MACF1: variants seen among roughly 807,000 people sequenced by gnomAD.
MACF1 encodes microtubule-actin cross-linking factor 1.
A neutral mutation model predicts 854.8 loss-of-function variants in MACF1; 193 were observed. The observed-to-expected ratio is 0.23, with a 90% CI of 0.20 to 0.25. The LOEUF (loss-of-function observed/expected upper bound fraction) is 0.25, where lower values mean the gene tolerates loss of function less well. MACF1 is among the 10% of genes least tolerant of loss of function. The pLI, the probability that MACF1 is intolerant of heterozygous loss-of-function variation, is 1.00. For missense variants in MACF1, 7,722 were observed against 8,929.1 expected (o/e 0.86, Z 5.45); for synonymous variants, 3,185 against 3,226.7 (o/e 0.99, Z 0.44).
intron 2 of MACF1, among the ~76,000 whole-genome samples, chr1:39,165,934 A>G (rs1643877421): frequency 6.6e-6 from 1 of 152,090 alleles, no homozygotes; most frequent in South Asian, 2.1e-4. Context: ...TTCCTGTTGC[A>G]TTTACTGGAA....
intron 93 of MACF1, among the ~76,000 whole-genome samples, chr1:39,462,502 C>T (rs1387886011): frequency 6.6e-6 from 1 of 150,722 alleles, no homozygotes; most frequent in African/African-American, 2.4e-5. Flanking sequence ...CCCAGGAGTT[C>T]GAGACCAGCC....
At chr1:39,303,170 G>C in intron 23 of MACF1, 92 bp downstream of exon 23, 1 of 1,429,746 alleles carries the variant, frequency 7.0e-7, no homozygotes. Context: ...TGATGTTTTT[G>C]AACACAGTGG....
At chr1:39,255,283 T>C (rs1274216941) in intron 5 of MACF1, among the ~76,000 whole-genome samples, 1 of 152,130 alleles carries the variant, frequency 6.6e-6, no homozygotes, top group African/African-American at 2.4e-5. Flanking sequence ...GGTGTGGCCA[T>C]CTTTGAAAAA....
At chr1:39,395,804 A>C (rs1160800074) in intron 58 of MACF1, among the ~76,000 whole-genome samples, 1 of 151,538 alleles carries the variant, frequency 6.6e-6, no homozygotes, top group African/African-American at 2.4e-5. Context: ...AGGAGCCTTT[A>C]AGGCCTTTAA....
intron 6 of MACF1, among the ~76,000 whole-genome samples, chr1:39,277,192 GA>G (rs140015007): frequency 0.032 from 4,862 of 150,638 alleles, 124 homozygotes; most frequent in Middle Eastern, 0.083. Flanking sequence ...TATGTAACTG[GA>G]CTCTTGTGGT....
chr1:39,465,119 T>C lies in MACF1; in HGVS notation c.21771+7T>C, dbSNP rs565692116. The C allele has an allele frequency of 2.5e-6, 4 of 1,612,910 alleles. No individual in the cohort carries two copies. In the African/African-American group the frequency reaches 4.0e-5, roughly 16 times the overall value. On this transcript the variant is annotated splice_region_variant and intron_variant, in intron 95 of 100. Coordinates refer to ENST00000564288, the MANE Select transcript of MACF1 (RefSeq NM_001394062.1). ...GTTCTTCCTCGGCAATCAGGTACAG[T>C]GTGCCTTGCAATGTTCTCCTTCTCA...
intron 56 of MACF1, among the ~76,000 whole-genome samples, chr1:39,384,639 C>A (rs1650528603): frequency 6.6e-6 from 1 of 152,176 alleles, no homozygotes; most frequent in African/African-American, 2.4e-5. Flanking sequence ...TAAAGAAGCT[C>A]TTTGTCTAAT....
At chr1:39,276,979 A>G (rs1281973415) in intron 6 of MACF1, among the ~76,000 whole-genome samples, 3 of 152,170 alleles carry the variant, frequency 2.0e-5, no homozygotes, top group African/African-American at 7.2e-5. Context: ...AAGAGGAATG[A>G]AAAATCTAAG....
At chr1:39,302,036 C>T (rs1455177723) in intron 22 of MACF1, among the ~76,000 whole-genome samples, 1 of 150,136 alleles carries the variant, frequency 6.7e-6, no homozygotes, top group Non-Finnish European at 1.5e-5. Flanking sequence ...GACTCTGTGG[C>T]CCAGGCTGGA....
intron 55 of MACF1, among the ~76,000 whole-genome samples, chr1:39,381,447 G>A (rs573949802): frequency 2.1e-5 from 3 of 143,836 alleles, no homozygotes; most frequent in Admixed American, 1.5e-4. Flanking sequence ...GCTCACTACA[G>A]CCTCGACTTC....
At position 39,318,509 on chromosome 1, in the gene MACF1, G is replaced by A. The variant is rs891446144; in HGVS notation, c.3839G>A (p.Gly1280Glu). The change falls in exon 30 of 101, where the codon GGA becomes GAA. Residue 1280 changes from glycine to glutamate, a missense_variant. Physicochemically the swap from Gly to Glu is moderately conservative, Grantham distance 98. Coordinates refer to ENST00000564288, the MANE Select transcript of MACF1 (RefSeq NM_001394062.1). Reference protein sequence around the residue: ...EVLGDYRACHGTLIKWIEETT... With the variant: ...EVLGDYRACHETLIKWIEETT... ...CTGGGAGATTACCGAGCCTGCCATG[G>A]AACTCTCATCAAGTGGATTGAGGAA... 5 of 1,613,942 alleles carry A rather than the reference G, an allele frequency of 3.1e-6. No homozygotes were observed. Among genetic ancestry groups the A allele is most frequent in the African/African-American group, 1.3e-5 (1 of 74,920 alleles).
chr1:39,439,166 TA>T (rs1011247029), intron 71 of MACF1, 107 bp from the exon 72 acceptor site: 1 of 573,324 alleles, frequency 1.7e-6, no homozygotes, highest in Non-Finnish European at 3.2e-6. Flanking sequence ...AGCATTTTTT[TA>T]AAAAATAGTT....
chr1:39,142,020 C>G (rs1643356464), intron 2 of MACF1, among the ~76,000 whole-genome samples: 1 of 152,200 alleles, frequency 6.6e-6, no homozygotes, highest in Admixed American at 6.5e-5. Flanking sequence ...GAGCTGGTAT[C>G]TGGTCTGCAG....
chr1:39,173,506 C>G (rs189534044), intron 2 of MACF1, among the ~76,000 whole-genome samples: 116 of 152,306 alleles, frequency 7.6e-4, no homozygotes, highest in African/African-American at 2.8e-3. Context: ...CCACCTACCA[C>G]TTGTTGCATT....
chr1:39,372,509 A>G lies in MACF1; in HGVS notation c.13126A>G (p.Thr4376Ala). Reference sequence around the variant, plus strand: ...ACTAGATGACTGGGCAAGTAAGGGAACTCTGGTGGAAGAAATCAATTGCAA... The same window carrying G: ...ACTAGATGACTGGGCAAGTAAGGGAGCTCTGGTGGAAGAAATCAATTGCAA... The part of the protein sequence containing the change: ...SLLDDWASKG[T>A]LVEEINCKGT... The change falls in exon 52 of 101, where the codon ACT becomes GCT. Residue 4376 changes from threonine (T) to alanine (A), a missense_variant. Physicochemically the swap from Thr to Ala is moderately conservative, Grantham distance 58. Around this residue, in one of 15 missense-constraint regions of MACF1, gnomAD observed 2,807 missense variants for 3,235.8 expected, o/e 0.87. Transcript: ENST00000564288. 1 of 1,613,434 alleles carries G rather than the reference A, an allele frequency of 6.2e-7. No individual in the cohort carries two copies.
At chr1:39,184,790 A>T (rs1310565410) in intron 2 of MACF1, among the ~76,000 whole-genome samples, 1 of 152,198 alleles carries the variant, frequency 6.6e-6, no homozygotes, top group East Asian at 1.9e-4. Context: ...AGCCATTTAC[A>T]CAAAGATAAA....
chr1:39,422,350 C>T, intron 58 of MACF1, 24 bp from the exon 59 acceptor site: 1 of 1,608,446 alleles, frequency 6.2e-7, no homozygotes, highest in Non-Finnish European at 8.5e-7. Flanking sequence ...TGTATTAAAT[C>T]TTCTTTGGCT....
chr1:39,410,290 G>C, intron 58 of MACF1: 1 of 1,603,302 alleles, frequency 6.2e-7, no homozygotes, highest in Non-Finnish European at 8.5e-7. Context: ...CAGCAGACCA[G>C]ACTGTTTAAG....
chr1:39,448,939 C>T (rs986790491), intron 84 of MACF1, among the ~76,000 whole-genome samples, 176 bp downstream of exon 84: 2 of 152,192 alleles, frequency 1.3e-5, no homozygotes, highest in Non-Finnish European at 2.9e-5. Flanking sequence ...TAAAAATTCT[C>T]ATTTTAAACT....
Sources: gnomAD v4.1 joint callset for allele counts (sites outside exome capture counted in the v4.1 genomes callset) on GRCh38, gnomAD v4.1.1 for gene constraint, gnomAD v4.1.1 regional missense constraint, MANE v1.5 for transcripts, NCBI Gene and HGNC (gene_info 2026-07-23, HGNC 2026-07-21) for gene names.